Variants in CNTN5 observed in about 807,000 individuals in gnomAD.
The protein encoded by CNTN5 is contactin 5.
A neutral mutation model predicts 129.1 loss-of-function variants in CNTN5; 77 were observed. That is an observed-to-expected ratio of 0.60 (90% CI 0.50 to 0.72). The LOEUF is 0.72. Among genes scored for constraint, CNTN5 ranks in the 30% least tolerant of loss-of-function variants. The pLI is 0.00. For synonymous variants in CNTN5, 509 were observed against 465.6 expected, an observed-to-expected ratio of 1.09 and a Z score of -1.20; for missense variants, 1,478 against 1,328.8, an observed-to-expected ratio of 1.11 and a Z score of -1.75.
intron 18 of CNTN5, among the ~76,000 whole-genome samples, chr11:100,295,236 A>G (rs1177893875): frequency 6.6e-6 from 1 of 151,600 alleles, no homozygotes; most frequent in Non-Finnish European, 1.5e-5. Flanking sequence ...TGTCTTGAAA[A>G]TAAATTAGCA....
chr11:99,355,383 C>T (rs1260378412), intron 2 of CNTN5, among the ~76,000 whole-genome samples: 1 of 151,996 alleles, frequency 6.6e-6, no homozygotes, highest in Admixed American at 6.6e-5. Context: ...AAAATGGACC[C>T]TGTGCTCTAA....
At chr11:100,242,698 G>T (rs796879557) in intron 16 of CNTN5, among the ~76,000 whole-genome samples, 4 of 152,264 alleles carry the variant, frequency 2.6e-5, no homozygotes, top group African/African-American at 9.6e-5. Context: ...GCATGATCCA[G>T]TCACCTCCTA....
intron 13 of CNTN5, among the ~76,000 whole-genome samples, chr11:100,119,570 A>C (rs77006360): frequency 0.022 from 3,300 of 151,978 alleles, 110 homozygotes; most frequent in African/African-American, 0.064. Flanking sequence ...TAAAATATAA[A>C]AGAACAATCC....
chr11:99,675,332 A>G (rs777097770), intron 3 of CNTN5, among the ~76,000 whole-genome samples: 2 of 152,236 alleles, frequency 1.3e-5, no homozygotes, highest in Non-Finnish European at 2.9e-5. Context: ...TAAAGAAGTC[A>G]TCTGTGGGAG....
chr11:100,243,046 G>C (rs1949774544), intron 16 of CNTN5, among the ~76,000 whole-genome samples: 1 of 152,176 alleles, frequency 6.6e-6, no homozygotes, highest in Non-Finnish European at 1.5e-5. Context: ...TTTGAAGCTT[G>C]GCACTTCCAC....
At chr11:100,120,945 T>G (rs1945999733) in intron 13 of CNTN5, among the ~76,000 whole-genome samples, 1 of 152,006 alleles carries the variant, frequency 6.6e-6, no homozygotes, top group South Asian at 2.1e-4. Flanking sequence ...AAACATTTTA[T>G]TTTTCCAGTA....
chr11:99,045,508 A>C (rs1442313542), intron 1 of CNTN5, among the ~76,000 whole-genome samples: 3 of 152,232 alleles, frequency 2.0e-5, no homozygotes, highest in African/African-American at 7.2e-5. Flanking sequence ...CTGTATGTAC[A>C]AACTTTATTG....
intron 1 of CNTN5, among the ~76,000 whole-genome samples, chr11:99,028,320 C>G (rs1224883744): frequency 6.6e-6 from 1 of 151,734 alleles, no homozygotes; most frequent in Non-Finnish European, 1.5e-5. Context: ...CTACTGTGGA[C>G]AGTGGCAGTA....
rs150009901 is a variant in CNTN5, at chr11:99,996,064, C to T, written c.878-5970C>T. Among the ~76,000 whole-genome samples the T allele has an allele frequency of 6.8e-4, 104 of 152,210 alleles. No individual in the cohort carries two copies. In the East Asian group the frequency reaches 0.015, roughly 22 times the overall value. ...AGCTCATCAGCATTTCTACTTTAAC[C>T]GTGTCCTTTTTTCTTTTACTGACAT... On this transcript the variant is annotated intron_variant, in intron 8 of 24. Transcript: ENST00000524871.
At chr11:99,923,429 C>A (rs1170479857) in intron 7 of CNTN5, among the ~76,000 whole-genome samples, 1 of 152,034 alleles carries the variant, frequency 6.6e-6, no homozygotes, top group Non-Finnish European at 1.5e-5. Context: ...AACCTATAAA[C>A]CTATATAAAG....
intron 16 of CNTN5, among the ~76,000 whole-genome samples, chr11:100,243,057 C>A (rs1949774756): frequency 6.6e-6 from 1 of 152,198 alleles, no homozygotes; most frequent in African/African-American, 2.4e-5. Context: ...GCACTTCCAC[C>A]TCTGTAATCC....
intron 7 of CNTN5, among the ~76,000 whole-genome samples, chr11:99,943,408 AGTTC>A (rs1245701958): frequency 1.3e-5 from 2 of 152,034 alleles, no homozygotes; most frequent in African/African-American, 4.8e-5. Context: ...AATTTGTTTA[AGTTC>A]CTTGTAGATT....
chr11:99,119,650 C>T (rs1014260269), intron 1 of CNTN5, among the ~76,000 whole-genome samples: 10 of 152,170 alleles, frequency 6.6e-5, no homozygotes, highest in Non-Finnish European at 1.0e-4. Flanking sequence ...TCGGTATAAA[C>T]GCAGTTATGG....
rs535178996 is a variant in CNTN5, at chr11:99,324,036, T to A, written c.-209-1310T>A. Among the ~76,000 whole-genome samples the A allele has an allele frequency of 1.5e-4, 23 of 152,288 alleles. 1 individual carries two copies. The South Asian group carries it at 4.8e-3, about 32-fold the overall frequency. On this transcript the variant is annotated intron_variant, in intron 1 of 24. Coordinates refer to ENST00000524871, the MANE Select transcript of CNTN5 (RefSeq NM_014361.4). ...TATAATTTAGACTTGATATCAGAAA[T>A]GCAAGCTGAGATTAAAGGAAATCTT...
intron 3 of CNTN5, among the ~76,000 whole-genome samples, chr11:99,591,669 T>C (rs1949985356): frequency 1.3e-5 from 2 of 151,920 alleles, no homozygotes; most frequent in African/African-American, 4.8e-5. Flanking sequence ...TGGCAGCTGG[T>C]GCGGGAAGAG....
intron 19 of CNTN5, among the ~76,000 whole-genome samples, chr11:100,298,064 G>A (rs945576794): frequency 6.6e-6 from 1 of 151,058 alleles, no homozygotes; most frequent in South Asian, 2.1e-4. Flanking sequence ...AGGGGGAGGG[G>A]GTGTGAAGAA....
In CNTN5 at chr11:99,844,713, ATTCC is replaced by A. The variant is rs550704654; in HGVS notation, c.278-135_278-132del. ...AATAAAACAATGCAGTTTTCTAGCT[ATTCC>A]TTCTTTTGGGAATTTACCTGTTGAT... is the stretch of plus-strand genomic sequence containing the variant. On this transcript the variant is annotated intron_variant, in intron 4 of 24. Transcript: ENST00000524871. 94 of 718,152 alleles carry A rather than the reference ATTCC, an allele frequency of 1.3e-4. 1 individual carries two copies. The South Asian group carries it at 1.9e-3, about 14-fold the overall frequency. 44.5% of individuals were successfully genotyped at this position (718,152 alleles called of 1,614,324 possible).
chr11:99,851,703 T>A (rs1406819523), intron 6 of CNTN5, among the ~76,000 whole-genome samples: 1 of 152,230 alleles, frequency 6.6e-6, no homozygotes, highest in African/African-American at 2.4e-5. Flanking sequence ...GCGCATTTAG[T>A]GATTTAGATC....
At chr11:99,994,139 T>C (rs1939298322) in intron 8 of CNTN5, among the ~76,000 whole-genome samples, 1 of 148,246 alleles carries the variant, frequency 6.7e-6, no homozygotes, top group African/African-American at 2.6e-5. Context: ...GTACCCATCC[T>C]TTGGGTCATT....
Sources: allele counts gnomAD v4.1 joint callset (sites outside exome capture counted in the v4.1 genomes callset), GRCh38; gene constraint gnomAD v4.1.1; transcripts MANE v1.5; gene names NCBI Gene and HGNC (gene_info 2026-07-23, HGNC 2026-07-21).